Variants in ADGRV1 observed in about 807,000 individuals in gnomAD.
The protein encoded by ADGRV1 is G-protein coupled receptor 98.
ADGRV1 carries 359 observed loss-of-function variants against 596.2 expected under a neutral mutation model. The ratio of observed to expected loss-of-function variants is 0.60; its 90% confidence interval spans 0.55 to 0.66. The LOEUF is 0.66. ADGRV1 is among the 30% of genes least tolerant of loss of function. ADGRV1 has a pLI of 0.00. For synonymous variants in ADGRV1, 2,681 were observed against 2,679.2 expected, an observed-to-expected ratio of 1.00 and a Z score of -0.02; for missense variants, 7,274 against 7,575.6, an observed-to-expected ratio of 0.96 and a Z score of 1.48.
chr5:90,890,986 G>T (rs2150581744), intron 83 of ADGRV1, among the ~76,000 whole-genome samples: 1 of 151,954 alleles, frequency 6.6e-6, no homozygotes, highest in South Asian at 2.1e-4. Context: ...TATGACAGTG[G>T]ATATGAGCAT....
intron 75 of ADGRV1, among the ~76,000 whole-genome samples, chr5:90,818,899 G>A (rs1184310329): frequency 1.3e-5 from 2 of 149,556 alleles, no homozygotes; most frequent in Non-Finnish European, 3.0e-5. Flanking sequence ...GTCTCTGCCC[G>A]GCTTTGGTAT....
chr5:90,605,498 A>G (rs502596), intron 1 of ADGRV1, among the ~76,000 whole-genome samples: 36,597 of 151,972 alleles, frequency 0.24, 5,294 homozygotes, highest in Non-Finnish European at 0.33. Context: ...GTTATGTAAA[A>G]TGTTACTTTT....
intron 85 of ADGRV1, among the ~76,000 whole-genome samples, chr5:90,993,602 A>G (rs866811195): frequency 2.8e-4 from 43 of 152,270 alleles, no homozygotes; most frequent in African/African-American, 1.0e-3. Context: ...TCATATGAAC[A>G]TATGTTTTCA....
Position 90,716,778 on chromosome 5 carries a change from C to A in ADGRV1, c.9447+49C>A, listed in dbSNP as rs549391249. ...AATGGAAGTTTATCTTTAATATTTA[C>A]AAAATAAATTTCTCTTAGATGAGCA... On this transcript the variant is annotated intron_variant, in intron 43 of 89. Transcript: ENST00000405460. 222 of 1,444,142 alleles carry A rather than the reference C, an allele frequency of 1.5e-4. 4 individuals are homozygous for A. The South Asian group carries it at 2.7e-3, about 17-fold the overall frequency. The allele number at this position is 1,444,142 out of a possible 1,614,324, so 89.5% of individuals were successfully genotyped here.
At chr5:91,038,272 T>A (rs532913823) in intron 85 of ADGRV1, among the ~76,000 whole-genome samples, 1 of 152,226 alleles carries the variant, frequency 6.6e-6, no homozygotes, top group African/African-American at 2.4e-5. Flanking sequence ...AGGAGCCAGA[T>A]TGGGTTTTGG....
At chr5:91,071,822 C>T (rs528775798) in intron 85 of ADGRV1, among the ~76,000 whole-genome samples, 1 of 151,978 alleles carries the variant, frequency 6.6e-6, no homozygotes, top group East Asian at 1.9e-4. Flanking sequence ...CTACAGGCAC[C>T]TGCCACCACA....
chr5:90,882,637 C>A (rs1046200594), intron 83 of ADGRV1, among the ~76,000 whole-genome samples: 2 of 152,122 alleles, frequency 1.3e-5, no homozygotes, highest in Non-Finnish European at 2.9e-5. Context: ...ACACTCACCC[C>A]CTTCCTGCTT....
intron 4 of ADGRV1, among the ~76,000 whole-genome samples, chr5:90,619,763 C>T (rs143009692): frequency 0.018 from 2,703 of 146,830 alleles, 86 homozygotes; most frequent in African/African-American, 0.064. Flanking sequence ...CCCCCTACCC[C>T]ACAACAGACG....
chr5:90,872,573 A>C (rs1431487128), intron 83 of ADGRV1, among the ~76,000 whole-genome samples: 1 of 152,134 alleles, frequency 6.6e-6, no homozygotes, highest in Non-Finnish European at 1.5e-5. Context: ...ACACTTATTT[A>C]ATGAAACAGT....
intron 33 of ADGRV1, among the ~76,000 whole-genome samples, chr5:90,694,931 C>A (rs922747892): frequency 6.6e-6 from 1 of 152,124 alleles, no homozygotes; most frequent in African/African-American, 2.4e-5. Context: ...AATAGATTTT[C>A]CGGGAATATG....
intron 82 of ADGRV1, among the ~76,000 whole-genome samples, chr5:90,862,554 A>G (rs1288999880): frequency 6.6e-6 from 1 of 152,146 alleles, no homozygotes; most frequent in East Asian, 1.9e-4. Context: ...AATATCTAGC[A>G]TGACTCTGCA....
intron 82 of ADGRV1, among the ~76,000 whole-genome samples, chr5:90,861,441 C>A (rs1343826185): frequency 2.0e-5 from 3 of 152,066 alleles, no homozygotes; most frequent in Non-Finnish European, 4.4e-5. Flanking sequence ...TCCCGGGTAG[C>A]TGGGACTACA....
intron 39 of ADGRV1, among the ~76,000 whole-genome samples, chr5:90,710,060 T>A (rs1749132246): frequency 6.6e-6 from 1 of 152,220 alleles, no homozygotes; most frequent in Non-Finnish European, 1.5e-5. Context: ...GAATCTCTGC[T>A]TTTTAGCCTC....
chr5:90,820,518 C>T (rs1369289470), intron 75 of ADGRV1, among the ~76,000 whole-genome samples: 3 of 151,824 alleles, frequency 2.0e-5, no homozygotes, highest in African/African-American at 7.3e-5. Context: ...TCTCGATGGT[C>T]TTTACATTTT....
At chr5:90,806,066 A>G (rs530261821) in intron 72 of ADGRV1, among the ~76,000 whole-genome samples, 83 of 152,332 alleles carry the variant, frequency 5.4e-4, no homozygotes, top group Admixed American at 5.2e-4. Flanking sequence ...ACTCAGTAAG[A>G]AACCTAATGA....
chr5:90,689,913 C>T lies in ADGRV1; in HGVS notation c.6543C>T (p.Thr2181=), dbSNP rs1369773433. 6.2e-7 allele frequency: 1 copy of T among 1,613,278 alleles called. No individual in the cohort carries two copies. Among genetic ancestry groups the T allele is most frequent in the Non-Finnish European group, 8.5e-7 (1 of 1,179,538 alleles). Residue 2181 remains threonine, a synonymous_variant, in exon 30 of 90, where the codon ACC becomes ACT. Coordinates refer to ENST00000405460, the MANE Select transcript of ADGRV1 (RefSeq NM_032119.4). The part of the protein sequence containing the change: ...SSDVVLLEGE[T]SKAVPIYVIN... ...ATGTGGTCTTGCTAGAAGGGGAAAC[C>T]AGTAAAGCCGTGCCAATATATGTCA... is the stretch of plus-strand genomic sequence containing the variant.
intron 85 of ADGRV1, among the ~76,000 whole-genome samples, chr5:91,013,334 G>A (rs1283889163): frequency 6.6e-6 from 1 of 152,070 alleles, no homozygotes; most frequent in East Asian, 1.9e-4. Flanking sequence ...CACCAACAGT[G>A]TATAATTGTC....
At chr5:91,128,243 G>A (rs73771187) in intron 87 of ADGRV1, among the ~76,000 whole-genome samples, 1,610 of 151,602 alleles carry the variant, frequency 0.011, 39 homozygotes, top group African/African-American at 0.038. Flanking sequence ...TCCCCTTATC[G>A]CAGCATTTAT....
At chr5:90,999,306 C>A (rs1049145929) in intron 85 of ADGRV1, among the ~76,000 whole-genome samples, 1 of 151,810 alleles carries the variant, frequency 6.6e-6, no homozygotes, top group Non-Finnish European at 1.5e-5. Flanking sequence ...TGTGCTAATT[C>A]AATTTTCCAT....
Sources: allele counts gnomAD v4.1 joint callset (sites outside exome capture counted in the v4.1 genomes callset), GRCh38; gene constraint gnomAD v4.1.1; transcripts MANE v1.5; gene names NCBI Gene and HGNC (gene_info 2026-07-23, HGNC 2026-07-21).